Variants in CAMTA1 observed in about 807,000 individuals in gnomAD.
The protein encoded by CAMTA1 is calmodulin binding transcription activator 1.
In CAMTA1, 27 loss-of-function variants were observed where a neutral mutation model predicts 170.9. The observed-to-expected ratio is 0.16, with a 90% CI of 0.12 to 0.22. CAMTA1 has a LOEUF of 0.22. Among genes scored for constraint, CAMTA1 ranks in the 10% least tolerant of loss-of-function variants. CAMTA1 has a pLI of 1.00. For missense variants in CAMTA1, 1,619 were observed against 2,217.2 expected (o/e 0.73, Z 5.42); for synonymous variants, 833 against 891.5 (o/e 0.93, Z 1.17).
chr1:7,563,135 G>T (rs754972449), intron 6 of CAMTA1, among the ~76,000 whole-genome samples: 2 of 152,184 alleles, frequency 1.3e-5, no homozygotes, highest in East Asian at 1.9e-4. Flanking sequence ...CCTGGTCATC[G>T]GGCTGTAGCC....
intron 6 of CAMTA1, among the ~76,000 whole-genome samples, chr1:7,478,318 G>A (rs1022023411): frequency 6.6e-6 from 1 of 152,220 alleles, no homozygotes; most frequent in African/African-American, 2.4e-5. Context: ...AGCCTCAGGC[G>A]GGAATCTGGT....
At chr1:7,254,032 T>C (rs1666999829) in intron 5 of CAMTA1, among the ~76,000 whole-genome samples, 1 of 152,030 alleles carries the variant, frequency 6.6e-6, no homozygotes, top group Admixed American at 6.6e-5. Flanking sequence ...GTGTGGGGGA[T>C]GCAGGAGGGG....
At chr1:7,415,634 A>C (rs1009891589) in intron 5 of CAMTA1, among the ~76,000 whole-genome samples, 11 of 151,848 alleles carry the variant, frequency 7.2e-5, no homozygotes, top group African/African-American at 1.7e-4. Flanking sequence ...CCATCCCTTT[A>C]TTTTGAGCCT....
intron 5 of CAMTA1, among the ~76,000 whole-genome samples, chr1:7,407,281 G>A (rs372389480): frequency 1.3e-5 from 2 of 152,240 alleles, no homozygotes; most frequent in East Asian, 1.9e-4. Flanking sequence ...GTAACTGCAG[G>A]GGAAGATACA....
intron 3 of CAMTA1, among the ~76,000 whole-genome samples, chr1:6,884,291 GACACACACAC>G (rs112571156): frequency 0.082 from 11,260 of 136,588 alleles, 542 homozygotes; most frequent in East Asian, 0.2. Context: ...ATTCTCTAGA[GACACACACAC>G]ACACACACAC....
At chr1:7,188,021 T>C (rs1177781700) in intron 4 of CAMTA1, among the ~76,000 whole-genome samples, 1 of 152,120 alleles carries the variant, frequency 6.6e-6, no homozygotes, top group Non-Finnish European at 1.5e-5. Context: ...ACAATCATGG[T>C]GGAAGCTAAG....
At chr1:7,348,383 C>T (rs2084383100) in intron 5 of CAMTA1, among the ~76,000 whole-genome samples, 1 of 152,202 alleles carries the variant, frequency 6.6e-6, no homozygotes, top group South Asian at 2.1e-4. Context: ...TGTCTTCTCA[C>T]ATGGGCACAG....
intron 5 of CAMTA1, among the ~76,000 whole-genome samples, chr1:7,332,363 T>C (rs1466967473): frequency 2.0e-5 from 3 of 152,222 alleles, no homozygotes; most frequent in Non-Finnish European, 4.4e-5. Context: ...TTAATACTTA[T>C]ACCAGTCCTG....
At chr1:6,998,063 C>A (rs1039035488) in intron 3 of CAMTA1, among the ~76,000 whole-genome samples, 1 of 151,722 alleles carries the variant, frequency 6.6e-6, no homozygotes, top group Non-Finnish European at 1.5e-5. Flanking sequence ...TATTCTTTGG[C>A]TGTGTACTGA....
intron 5 of CAMTA1, among the ~76,000 whole-genome samples, chr1:7,416,331 C>G (rs1575196361): frequency 6.6e-6 from 1 of 152,264 alleles, no homozygotes; most frequent in African/African-American, 2.4e-5. Flanking sequence ...GGGAAGTTCT[C>G]CTGGATAATA....
At chr1:7,672,119 G>T (rs534830512) in intron 10 of CAMTA1, 5 of 453,766 alleles carry the variant, frequency 1.1e-5, no homozygotes, top group African/African-American at 1.0e-4. Flanking sequence ...GGATGCAGGG[G>T]TGCGGAACGG....
chr1:7,454,485 G>A (rs895398005), intron 5 of CAMTA1, among the ~76,000 whole-genome samples: 4 of 152,154 alleles, frequency 2.6e-5, no homozygotes, highest in Admixed American at 1.3e-4. Context: ...ATTCAGTGTC[G>A]CGGCCACTGG....
chr1:7,728,705 C>G (rs1304506644), intron 11 of CAMTA1, among the ~76,000 whole-genome samples: 1 of 152,220 alleles, frequency 6.6e-6, no homozygotes, highest in Non-Finnish European at 1.5e-5. Flanking sequence ...CAAAGGGCAA[C>G]TGCCATGCTG....
intron 3 of CAMTA1, among the ~76,000 whole-genome samples, chr1:7,045,313 G>A (rs1325347961): frequency 6.6e-6 from 1 of 152,302 alleles, no homozygotes; most frequent in South Asian, 2.1e-4. Context: ...TCTCCTGGAA[G>A]GGCATTGCTG....
At chr1:7,176,964 AGAG>A (rs963698163) in intron 4 of CAMTA1, among the ~76,000 whole-genome samples, 11 of 152,084 alleles carry the variant, frequency 7.2e-5, no homozygotes, top group Admixed American at 5.2e-4. Context: ...GTGCCCAGGA[AGAG>A]GAGGAGGAAA....
At chr1:6,872,860 T>G (rs1169737208) in intron 3 of CAMTA1, among the ~76,000 whole-genome samples, 1 of 152,218 alleles carries the variant, frequency 6.6e-6, no homozygotes, top group Admixed American at 6.5e-5. Flanking sequence ...TCTCTAACAT[T>G]TAATGCTGAT....
At chr1:7,610,002 G>T (rs556573512) in intron 6 of CAMTA1, among the ~76,000 whole-genome samples, 2 of 152,316 alleles carry the variant, frequency 1.3e-5, no homozygotes, top group East Asian at 3.9e-4. Flanking sequence ...TGTCCACACT[G>T]TGTGTGCACT....
intron 3 of CAMTA1, among the ~76,000 whole-genome samples, chr1:6,972,388 A>G (rs1692703260): frequency 6.6e-6 from 1 of 152,204 alleles, no homozygotes; most frequent in Non-Finnish European, 1.5e-5. Flanking sequence ...TTGATTTGAC[A>G]TTCGACAACT....
chr1:7,213,077 G>A (rs1422918930), intron 4 of CAMTA1, among the ~76,000 whole-genome samples: 2 of 152,222 alleles, frequency 1.3e-5, no homozygotes, highest in Non-Finnish European at 2.9e-5. Flanking sequence ...AAACATTTGT[G>A]TACAGGTTTT....
Sources: allele counts gnomAD v4.1 joint callset (sites outside exome capture counted in the v4.1 genomes callset), GRCh38; gene constraint gnomAD v4.1.1; transcripts MANE v1.5; gene names NCBI Gene and HGNC (gene_info 2026-07-23, HGNC 2026-07-21).